PAK5: variants seen among roughly 807,000 people sequenced by gnomAD.
The protein encoded by PAK5 is p21 (RAC1) activated kinase 5, also known as serine/threonine-protein kinase PAK 5.
Under a neutral mutation model 65.9 loss-of-function variants are expected in PAK5, and 16 were observed. The observed-to-expected ratio is 0.24, with a 90% CI of 0.16 to 0.37. The LOEUF (loss-of-function observed/expected upper bound fraction) is 0.37, where lower values mean the gene tolerates loss of function less well. PAK5 is among the 10% of genes least tolerant of loss of function. The pLI is 1.00. For synonymous variants in PAK5, 371 were observed against 354.9 expected, an observed-to-expected ratio of 1.05 and a Z score of -0.51; for missense variants, 785 against 903.9, an observed-to-expected ratio of 0.87 and a Z score of 1.69.
intron 3 of PAK5, among the ~76,000 whole-genome samples, chr20:9,626,822 A>G (rs1256192441): frequency 2.0e-5 from 3 of 152,120 alleles, no homozygotes; most frequent in Non-Finnish European, 4.4e-5. Context: ...GTTACTGAGA[A>G]CCAAGAAACT....
At chr20:9,746,261 C>T (rs1410978849) in intron 1 of PAK5, among the ~76,000 whole-genome samples, 1 of 152,152 alleles carries the variant, frequency 6.6e-6, no homozygotes, top group Non-Finnish European at 1.5e-5. Flanking sequence ...TTGAGGGCTG[C>T]CTCCATCATG....
intron 2 of PAK5, among the ~76,000 whole-genome samples, chr20:9,707,914 C>T (rs1327391109): frequency 6.6e-6 from 1 of 152,190 alleles, no homozygotes; most frequent in Admixed American, 6.5e-5. Flanking sequence ...AACTCACCCA[C>T]AGGCTCCTGA....
intron 2 of PAK5, among the ~76,000 whole-genome samples, chr20:9,700,343 T>C (rs1206200342): frequency 6.6e-6 from 1 of 152,124 alleles, no homozygotes; most frequent in Non-Finnish European, 1.5e-5. Context: ...CCTGGAAGGT[T>C]GAGGCTGCAG....
At chr20:9,710,685 T>TA (rs143074945) in intron 2 of PAK5, among the ~76,000 whole-genome samples, 9,166 of 152,232 alleles carry the variant, frequency 0.06, 302 homozygotes, top group Middle Eastern at 0.1. Flanking sequence ...GAATGGCCTT[T>TA]AAAAAATATA....
intron 3 of PAK5, among the ~76,000 whole-genome samples, chr20:9,608,448 C>G (rs1242727746): frequency 6.6e-6 from 1 of 152,210 alleles, no homozygotes; most frequent in African/African-American, 2.4e-5. Context: ...CAGTCCAAAA[C>G]TTGAGGTGGA....
chr20:9,775,811 T>C (rs1462538850), intron 1 of PAK5, among the ~76,000 whole-genome samples: 5 of 152,226 alleles, frequency 3.3e-5, no homozygotes, highest in South Asian at 2.1e-4. Flanking sequence ...TTCCTTCCAA[T>C]TGGCCCATTT....
At chr20:9,703,471 G>T (rs1432394723) in intron 2 of PAK5, among the ~76,000 whole-genome samples, 1 of 152,136 alleles carries the variant, frequency 6.6e-6, no homozygotes, top group African/African-American at 2.4e-5. Context: ...GTGGAATGTG[G>T]GCTGTGCAGG....
chr20:9,684,180 G>A (rs532469530), intron 2 of PAK5, among the ~76,000 whole-genome samples: 1 of 152,312 alleles, frequency 6.6e-6, no homozygotes, highest in African/African-American at 2.4e-5. Flanking sequence ...AGAGATACTG[G>A]AACCAGGAGC....
chr20:9,785,776 C>T (rs2048986543), intron 1 of PAK5, among the ~76,000 whole-genome samples: 1 of 152,164 alleles, frequency 6.6e-6, no homozygotes, highest in African/African-American at 2.4e-5. Flanking sequence ...TGTGTTGTCC[C>T]TTGCAAGAAT....
At chr20:9,677,289 C>A (rs1299511650) in intron 2 of PAK5, among the ~76,000 whole-genome samples, 1 of 152,146 alleles carries the variant, frequency 6.6e-6, no homozygotes, top group Non-Finnish European at 1.5e-5. Flanking sequence ...CACATTCAGA[C>A]CCCGGCTTCT....
chr20:9,809,225 C>T (rs892003178), intron 1 of PAK5, among the ~76,000 whole-genome samples: 1 of 151,976 alleles, frequency 6.6e-6, no homozygotes, highest in Non-Finnish European at 1.5e-5. Flanking sequence ...ATCTCAGGGC[C>T]TCACACCAGA....
intron 1 of PAK5, among the ~76,000 whole-genome samples, chr20:9,808,491 C>A (rs1221965530): frequency 6.6e-6 from 1 of 152,166 alleles, no homozygotes; most frequent in Non-Finnish European, 1.5e-5. Flanking sequence ...AAAGCAGAAA[C>A]AATTCAAATG....
intron 1 of PAK5, among the ~76,000 whole-genome samples, chr20:9,793,908 C>T (rs1340476067): frequency 2.6e-5 from 4 of 152,074 alleles, no homozygotes; most frequent in Non-Finnish European, 5.9e-5. Context: ...TTTACAATAG[C>T]AAAGACTTGG....
At chr20:9,813,427 C>T (rs988643289) in intron 1 of PAK5, among the ~76,000 whole-genome samples, 2 of 151,792 alleles carry the variant, frequency 1.3e-5, no homozygotes, top group African/African-American at 4.8e-5. Flanking sequence ...TTAGGAGTAA[C>T]ATTGTGATGG....
chr20:9,807,527 G>A (rs185969653), intron 1 of PAK5, among the ~76,000 whole-genome samples: 1 of 152,164 alleles, frequency 6.6e-6, no homozygotes, highest in African/African-American at 2.4e-5. Flanking sequence ...TAGAGAAACT[G>A]AGACCCACAT....
intron 3 of PAK5, among the ~76,000 whole-genome samples, chr20:9,583,629 G>GT: frequency 6.6e-6 from 1 of 152,232 alleles, no homozygotes; most frequent in East Asian, 1.9e-4. Context: ...ATTTTTTGTT[G>GT]TTTTTTGAAA....
intron 3 of PAK5, among the ~76,000 whole-genome samples, chr20:9,602,995 G>T (rs1174939282): frequency 6.6e-6 from 1 of 152,230 alleles, no homozygotes; most frequent in Non-Finnish European, 1.5e-5. Context: ...AGGTGGCTTT[G>T]ATGTGAAAGC....
chr20:9,685,762 T>C lies in PAK5; in HGVS notation c.-12+25524A>G, dbSNP rs142981690. Among the ~76,000 whole-genome samples the C allele has an allele frequency of 2.2e-4, 33 of 152,338 alleles. No homozygotes were observed. In the East Asian group the frequency reaches 6.0e-3, roughly 28 times the overall value. On this transcript the variant is annotated intron_variant, in intron 2 of 9. Transcript: ENST00000353224. ...ATTTCAAGAGGTGATATGGTACTCATAGCACAGTGTCTAGAACATAGCATG... is the reference window on the plus strand; with the variant it reads ...ATTTCAAGAGGTGATATGGTACTCACAGCACAGTGTCTAGAACATAGCATG...
intron 1 of PAK5, among the ~76,000 whole-genome samples, chr20:9,727,177 A>G (rs945312937): frequency 6.6e-6 from 1 of 152,200 alleles, no homozygotes; most frequent in Admixed American, 6.5e-5. Flanking sequence ...AAGAGGTAGG[A>G]AAACATAAAT....
Sources: allele counts gnomAD v4.1 joint callset (sites outside exome capture counted in the v4.1 genomes callset), GRCh38; gene constraint gnomAD v4.1.1; transcripts MANE v1.5; gene names NCBI Gene and HGNC (gene_info 2026-07-23, HGNC 2026-07-21).